Variants in OPCML observed in about 807,000 individuals in gnomAD.
OPCML encodes the protein opioid-binding protein/cell adhesion molecule.
OPCML carries 13 observed loss-of-function variants against 37.8 expected under a neutral mutation model. That is an observed-to-expected ratio of 0.34 (90% CI 0.22 to 0.55). The LOEUF (loss-of-function observed/expected upper bound fraction) is 0.55, where lower values mean the gene tolerates loss of function less well. Among genes scored for constraint, OPCML ranks in the 20% least tolerant of loss-of-function variants. The pLI is 0.91. For missense variants in OPCML, 341 were observed against 435.6 expected (o/e 0.78, Z 1.93); for synonymous variants, 176 against 168.8 (o/e 1.04, Z -0.33).
intron 1 of OPCML, among the ~76,000 whole-genome samples, chr11:133,517,966 G>T (rs1046554934): frequency 6.6e-6 from 1 of 152,270 alleles, no homozygotes; most frequent in African/African-American, 2.4e-5. Flanking sequence ...TGACACCCAG[G>T]AAGCAGTCTC....
rs115294485 is a variant in OPCML at position 132,972,449 on chromosome 11, A to G, written c.62-29439T>C. Among the ~76,000 whole-genome samples the G allele has an allele frequency of 1.6e-3, 242 of 152,336 alleles. 2 individuals are homozygous for G. Among genetic ancestry groups the G allele is most frequent in the African/African-American group, 5.5e-3 (230 of 41,580 alleles). ...CAGGCAACACACAGTTACCAAGGTC[A>G]TATTCATTGCTGAGTGAATATGCTC... is the stretch of plus-strand genomic sequence containing the variant. On this transcript the variant is annotated intron_variant, in intron 1 of 7. Coordinates refer to ENST00000524381, the MANE Select transcript of OPCML (RefSeq NM_001012393.5).
chr11:132,896,280 T>C (rs1943839233), intron 2 of OPCML, among the ~76,000 whole-genome samples: 1 of 152,140 alleles, frequency 6.6e-6, no homozygotes, highest in Non-Finnish European at 1.5e-5. Flanking sequence ...GACAGACTTT[T>C]CATCAATACT....
intron 1 of OPCML, chr11:133,298,809 T>C (rs1286865082): frequency 6.6e-6 from 1 of 152,144 alleles, no homozygotes; most frequent in Middle Eastern, 3.2e-3. Context: ...ACTTGACATC[T>C]ACATTGCATA....
intron 7 of OPCML, among the ~76,000 whole-genome samples, chr11:132,433,342 C>T (rs1017471965): frequency 3.9e-5 from 6 of 152,136 alleles, no homozygotes; most frequent in African/African-American, 1.4e-4. Flanking sequence ...GAAAATATCA[C>T]CCTACTTAGC....
intron 1 of OPCML, among the ~76,000 whole-genome samples, chr11:133,151,204 C>T (rs1177369306): frequency 6.6e-5 from 10 of 151,914 alleles, no homozygotes; most frequent in African/African-American, 9.7e-5. Flanking sequence ...ACCCGGGAGG[C>T]GGAAGTTGCA....
intron 1 of OPCML, among the ~76,000 whole-genome samples, chr11:133,049,678 G>A (rs376922495): frequency 6.6e-6 from 1 of 152,234 alleles, no homozygotes; most frequent in Non-Finnish European, 1.5e-5. Flanking sequence ...AATATGGGCA[G>A]TCTTATAATC....
intron 4 of OPCML, among the ~76,000 whole-genome samples, chr11:132,518,405 T>A (rs1218790830): frequency 6.6e-6 from 1 of 152,198 alleles, no homozygotes; most frequent in Non-Finnish European, 1.5e-5. Context: ...AGGACCTAAC[T>A]CTTTAAAGGG....
chr11:132,581,700 C>G (rs1301600902), intron 3 of OPCML, among the ~76,000 whole-genome samples: 2 of 152,110 alleles, frequency 1.3e-5, no homozygotes, highest in African/African-American at 4.8e-5. Context: ...CTAACAGACA[C>G]ATACTTTTAG....
intron 1 of OPCML, among the ~76,000 whole-genome samples, chr11:133,139,027 A>C (rs962215309): frequency 1.6e-4 from 24 of 152,214 alleles, no homozygotes; most frequent in African/African-American, 5.1e-4. Context: ...TGTATTTCAA[A>C]GTATTTGTTG....
chr11:133,357,387 G>A (rs558594394), intron 1 of OPCML, among the ~76,000 whole-genome samples: 22 of 152,272 alleles, frequency 1.4e-4, no homozygotes, highest in African/African-American at 4.8e-4. Context: ...AACGTACATG[G>A]CACTATGTTT....
At chr11:132,992,505 G>C (rs1255122004) in intron 1 of OPCML, among the ~76,000 whole-genome samples, 1 of 151,578 alleles carries the variant, frequency 6.6e-6, no homozygotes, top group African/African-American at 2.4e-5. Flanking sequence ...CCTACTTTTT[G>C]CCAAGCAGTG....
At chr11:132,580,584 T>A (rs1000024347) in intron 3 of OPCML, among the ~76,000 whole-genome samples, 2 of 152,208 alleles carry the variant, frequency 1.3e-5, no homozygotes, top group East Asian at 3.8e-4. Flanking sequence ...AGAGCTAACT[T>A]AATTTATTAA....
chr11:132,462,678 G>A (rs1274145199), intron 4 of OPCML, among the ~76,000 whole-genome samples: 1 of 152,198 alleles, frequency 6.6e-6, no homozygotes, highest in African/African-American at 2.4e-5. Context: ...CTCTAGAAGG[G>A]GGGAAGAATG....
chr11:133,023,377 G>A (rs568819814), intron 1 of OPCML, among the ~76,000 whole-genome samples: 1 of 152,292 alleles, frequency 6.6e-6, no homozygotes, highest in South Asian at 2.1e-4. Flanking sequence ...CATTACGTCC[G>A]CTAAGCACTT....
At chr11:133,458,165 C>CATAT (rs1207482236) in intron 1 of OPCML, among the ~76,000 whole-genome samples, 9 of 140,116 alleles carry the variant, frequency 6.4e-5, no homozygotes, top group African/African-American at 2.2e-4. Flanking sequence ...TATATATATA[C>CATAT]ATATACATAT....
chr11:133,493,249 C>T (rs763197678), intron 1 of OPCML, among the ~76,000 whole-genome samples: 2 of 152,238 alleles, frequency 1.3e-5, no homozygotes, highest in Non-Finnish European at 2.9e-5. Context: ...AAGCCTGGAG[C>T]CTTGCACGCC....
chr11:133,363,924 G>A (rs1478464440), intron 1 of OPCML, among the ~76,000 whole-genome samples: 1 of 152,070 alleles, frequency 6.6e-6, no homozygotes, highest in Non-Finnish European at 1.5e-5. Context: ...CCTCCACCCC[G>A]CTTTCTGCTG....
At chr11:133,322,626 A>G (rs1450683062) in intron 1 of OPCML, among the ~76,000 whole-genome samples, 2 of 152,226 alleles carry the variant, frequency 1.3e-5, no homozygotes, top group Non-Finnish European at 2.9e-5. Context: ...TAGGCACTTG[A>G]GGAAGAGCCT....
At chr11:133,198,140 G>A (rs570111925) in intron 1 of OPCML, among the ~76,000 whole-genome samples, 20 of 152,284 alleles carry the variant, frequency 1.3e-4, no homozygotes, top group Middle Eastern at 6.8e-3. Context: ...TGGGTTCAAA[G>A]GATTTCTATC....
Sources: gnomAD v4.1 joint callset for allele counts (sites outside exome capture counted in the v4.1 genomes callset) on GRCh38, gnomAD v4.1.1 for gene constraint, MANE v1.5 for transcripts, NCBI Gene and HGNC (gene_info 2026-07-23, HGNC 2026-07-21) for gene names.